BICRA: variants seen among roughly 807,000 people sequenced by gnomAD.
The protein encoded by BICRA is BRD4-interacting chromatin-remodeling complex-associated protein.
In BICRA, 31 loss-of-function variants were observed where a neutral mutation model predicts 96.9. The observed-to-expected ratio is 0.32, with a 90% CI of 0.24 to 0.43. The LOEUF (loss-of-function observed/expected upper bound fraction) is 0.43. BICRA is among the 20% of genes least tolerant of loss of function. The pLI is 1.00. For synonymous variants in BICRA, 1,350 were observed against 1,071.8 expected (o/e 1.26, Z -5.07); for missense variants, 2,283 against 2,190.3 (o/e 1.04, Z -0.84).
chr19:47,699,373 C>A lies in BICRA; in HGVS notation c.3563C>A (p.Ala1188Asp). The A allele has an allele frequency of 6.4e-7, 1 of 1,566,958 alleles. No individual in the cohort carries two copies. The highest frequency in any genetic ancestry group is 8.7e-7 in the Non-Finnish European group (1 of 1,155,824). The part of the protein sequence containing the change: ...MFIQEEKTTL[A>D]LDKQLAKEKP... ...ATTCAGGAGGAGAAGACCACCCTTG[C>A]CTTGGATAAACAGCTGGCCAAGGAG... The change falls in exon 14 of 15, where the codon GCC (alanine) becomes GAC (aspartate). Residue 1188 changes from alanine (A) to aspartate (D), a missense_variant. Physicochemically the swap from Ala to Asp is moderately radical, Grantham distance 126. Coordinates refer to ENST00000594866, the MANE Select transcript of BICRA (RefSeq NM_001394372.1). The surrounding 1 kb of genome is among the most constrained non-coding windows in gnomAD (Gnocchi z 5.0).
At chr19:47,672,065 AG>A (rs1391227795) in intron 2 of BICRA, among the ~76,000 whole-genome samples, 1 of 136,736 alleles carries the variant, frequency 7.3e-6, no homozygotes, top group Non-Finnish European at 1.6e-5. Context: ...GGAAGGATGG[AG>A]GGATGGGTGG....
rs955664245 is a variant in BICRA, at chr19:47,683,653, C to A, written c.2283+1501C>A. Among the ~76,000 whole-genome samples, 4 of 150,884 alleles carry A rather than the reference C, an allele frequency of 2.7e-5. No individual in the cohort carries two copies. The East Asian group carries it at 5.9e-4, about 22-fold the overall frequency. On this transcript the variant is annotated intron_variant, in intron 7 of 14. Coordinates refer to ENST00000594866, the MANE Select transcript of BICRA (RefSeq NM_001394372.1). The stretch of plus-strand genomic sequence containing the variant: ...AGGCTGGAGTGCGGTGTCGCGATCT[C>A]TGCTCACTGCAAGCTCCGCCTCTCG...
In BICRA at chr19:47,695,454, G is replaced by A; in HGVS notation, c.3166G>A (p.Gly1056Arg). The change falls in exon 10 of 15, where the codon GGG becomes AGG. Residue 1056 changes from glycine to arginine, a missense_variant. Coordinates refer to ENST00000594866, the MANE Select transcript of BICRA (RefSeq NM_001394372.1). ...GGCCAAGGCCGCTTCCTCCGGGCCAGGGAAGCCCTCCGGGCTGCAGGTAAG... is the reference window on the plus strand; with the variant it reads ...GGCCAAGGCCGCTTCCTCCGGGCCAAGGAAGCCCTCCGGGCTGCAGGTAAG... ...NVAKAASSGP[G>R]KPSGLQYESK... 6.3e-7 allele frequency: 1 copy of A among 1,576,066 alleles called. No homozygotes were observed. The highest frequency in any genetic ancestry group is 8.7e-7 in the Non-Finnish European group (1 of 1,154,982).
chr19:47,661,067 T>C (rs1030558521), intron 1 of BICRA, among the ~76,000 whole-genome samples: 2 of 151,600 alleles, frequency 1.3e-5, no homozygotes, highest in Non-Finnish European at 2.9e-5. Context: ...AACAAAAAAT[T>C]AGCTGGGCGT....
At chr19:47,637,760 G>C (rs1423952489) in intron 1 of BICRA, among the ~76,000 whole-genome samples, 3 of 152,108 alleles carry the variant, frequency 2.0e-5, no homozygotes, top group Admixed American at 6.6e-5. Context: ...GGATTTGCCT[G>C]TTGTGGGTAA....
rs376362178 is a variant in BICRA at position 47,680,802 on chromosome 19, C to T, written c.1632C>T (p.Ala544=). ...SGAHSAHILS[A]APIQVGQPAL... Reference sequence around the variant, plus strand: ...CCCACAGCGCGCACATCCTCTCCGCCGCTCCCATCCAGGTGGGCCAGCCTG... The same window carrying T: ...CCCACAGCGCGCACATCCTCTCCGCTGCTCCCATCCAGGTGGGCCAGCCTG... Residue 544 remains alanine, a synonymous_variant, in exon 6 of 15, where the codon GCC becomes GCT. Coordinates refer to ENST00000594866, the MANE Select transcript of BICRA (RefSeq NM_001394372.1). 1.7e-3 allele frequency: 2,756 copies of T among 1,608,466 alleles called. 7 individuals are homozygous for T. Among genetic ancestry groups the T allele is most frequent in the Non-Finnish European group, 2.2e-3 (2,638 of 1,178,808 alleles).
At chr19:47,632,541 A>C (rs1464454750) in intron 1 of BICRA, among the ~76,000 whole-genome samples, 1 of 152,234 alleles carries the variant, frequency 6.6e-6, no homozygotes, top group Non-Finnish European at 1.5e-5. Context: ...CGATGGTCCC[A>C]CCGCAGGGAG....
Position 47,702,724 on chromosome 19 carries a change from C to T in BICRA, c.*309C>T, listed in dbSNP as rs763490993. 6.5e-4 allele frequency: 266 copies of T among 406,652 alleles called. No individual in the cohort carries two copies. Among genetic ancestry groups the T allele is most frequent in the Non-Finnish European group, 1.0e-3 (236 of 229,230 alleles). The allele number at this position is 406,652 out of a possible 1,614,324, so 25.2% of individuals were successfully genotyped here. A position where few individuals can be genotyped will look rare whatever the true frequency, so the allele number is the denominator to read the frequency against. On this transcript the variant is annotated 3_prime_UTR_variant, in exon 15 of 15. Coordinates refer to ENST00000594866, the MANE Select transcript of BICRA (RefSeq NM_001394372.1). ...TCTGCCCCTCTGTCCGGGGGACACG[C>T]GCATGTGTTTGCCAGGGATGGGGCC... is the stretch of plus-strand genomic sequence containing the variant.
At chr19:47,622,166 A>G (rs547355894) in intron 1 of BICRA, among the ~76,000 whole-genome samples, 6 of 151,392 alleles carry the variant, frequency 4.0e-5, no homozygotes, top group Non-Finnish European at 5.9e-5. Flanking sequence ...AGGTTTCACT[A>G]TGTTGGCCAG....
intron 10 of BICRA, among the ~76,000 whole-genome samples, chr19:47,695,998 A>G (rs1413603893): frequency 1.3e-5 from 2 of 151,994 alleles, no homozygotes; most frequent in African/African-American, 4.8e-5. Flanking sequence ...AGAAGCTCAG[A>G]GATGGAGATG....
At position 47,694,945 on chromosome 19, in the gene BICRA, G is replaced by A; in HGVS notation, c.2941G>A (p.Ala981Thr). 1 of 1,537,544 alleles carries A rather than the reference G, an allele frequency of 6.5e-7. No individual in the cohort carries two copies. Among genetic ancestry groups the A allele is most frequent in the Non-Finnish European group, 8.7e-7 (1 of 1,149,834 alleles). The change falls in exon 9 of 15, where the codon GCC becomes ACC. Residue 981 changes from alanine (A) to threonine (T), a missense_variant. Coordinates refer to ENST00000594866, the MANE Select transcript of BICRA (RefSeq NM_001394372.1). ...ILQNKAGGAP[A>T]APQTSTSLGP... ...CCAGAACAAGGCTGGGGGGGCCCCT[G>A]CCGCCCCGCAGACCTCCACCAGCCT...
Position 47,699,113 on chromosome 19 carries a change from C to A in BICRA, c.3492+54C>A. On this transcript the variant is annotated intron_variant, in intron 13 of 14. Coordinates refer to ENST00000594866, the MANE Select transcript of BICRA (RefSeq NM_001394372.1). The surrounding 1 kb of genome is among the most constrained non-coding windows in gnomAD (Gnocchi z 5.0). ...TGGGCTCCTCCTCGCTGGGACACTG[C>A]CCCTTTCCCTCACCCGCTCTGGGCA... 3.2e-6 allele frequency: 4 copies of A among 1,246,166 alleles called. No individual in the cohort carries two copies. The highest frequency in any genetic ancestry group is 1.1e-6 in the Non-Finnish European group (1 of 872,810). The allele number at this position is 1,246,166 out of a possible 1,614,324, so 77.2% of individuals were successfully genotyped here. A position where few individuals can be genotyped will look rare whatever the true frequency, so the allele number is the denominator to read the frequency against.
chr19:47,675,895 T>C lies in BICRA; in HGVS notation c.129T>C (p.Ser43=). 1 of 1,608,318 alleles carries C rather than the reference T, an allele frequency of 6.2e-7. No individual in the cohort carries two copies. The highest frequency in any genetic ancestry group is 8.5e-7 in the Non-Finnish European group (1 of 1,177,196). Residue 43 remains serine (S), a synonymous_variant, in exon 5 of 15, where the codon AGT becomes AGC. Coordinates refer to ENST00000594866, the MANE Select transcript of BICRA (RefSeq NM_001394372.1). The surrounding 1 kb of genome is among the most constrained non-coding windows in gnomAD (Gnocchi z 4.7). ...DLLDNPGEAQ[S]AFYEGPGLHV... ...TGGATAATCCCGGGGAGGCCCAAAG[T>C]GCCTTCTATGAAGGTCCTGGGGTAA...
intron 1 of BICRA, among the ~76,000 whole-genome samples, chr19:47,629,685 T>A (rs1313628960): frequency 6.6e-6 from 1 of 151,818 alleles, no homozygotes; most frequent in African/African-American, 2.4e-5. Flanking sequence ...TGAGACGGAG[T>A]CTCGCTCTGT....
In BICRA at chr19:47,701,557, C is replaced by T. The variant is rs760002313; in HGVS notation, c.3825C>T (p.Ser1275=). The stretch of plus-strand genomic sequence containing the variant: ...CCCTGTCCTCCTCTTCCTCCTCCTC[C>T]TCTGCCGCCTCCTCCTTGGACGCCG... ...SSSLSSSSSS[S]SAASSLDADE... is the part of the protein sequence containing the mutation. Residue 1275 remains serine (S), a synonymous_variant, in exon 15 of 15, where the codon TCC becomes TCT. Coordinates refer to ENST00000594866, the MANE Select transcript of BICRA (RefSeq NM_001394372.1). The surrounding 1 kb of genome is among the most constrained non-coding windows in gnomAD (Gnocchi z 5.4). 2 of 1,551,204 alleles carry T rather than the reference C, an allele frequency of 1.3e-6. No homozygotes were observed. The highest frequency in any genetic ancestry group is 1.4e-5 in the African/African-American group (1 of 73,210).
chr19:47,692,026 G>A (rs1378524020), intron 7 of BICRA, among the ~76,000 whole-genome samples: 2 of 152,132 alleles, frequency 1.3e-5, no homozygotes, highest in African/African-American at 2.4e-5. Context: ...ATCCTGTAAT[G>A]TTGTATTATT....
chr19:47,630,424 G>A (rs1972205799), intron 1 of BICRA, among the ~76,000 whole-genome samples: 1 of 150,510 alleles, frequency 6.6e-6, no homozygotes. Flanking sequence ...TGCCCGCTTC[G>A]GCCTCCCAAA....
At chr19:47,610,371 G>T (rs1971884309) in intron 1 of BICRA, among the ~76,000 whole-genome samples, 1 of 152,220 alleles carries the variant, frequency 6.6e-6, no homozygotes, top group Non-Finnish European at 1.5e-5. Flanking sequence ...GGGAGAGCTA[G>T]GCTCGGGCTC....
chr19:47,652,358 T>TA (rs1366223697), intron 1 of BICRA, among the ~76,000 whole-genome samples: 2 of 152,152 alleles, frequency 1.3e-5, no homozygotes, highest in African/African-American at 2.4e-5. Flanking sequence ...GCTATTTTTT[T>TA]AAAAAATTTT....
Sources: gnomAD v4.1 joint callset for allele counts (sites outside exome capture counted in the v4.1 genomes callset) on GRCh38, gnomAD v4.1.1 for gene constraint, Gnocchi (gnomAD v3.1) non-coding constraint, MANE v1.5 for transcripts, NCBI Gene and HGNC (gene_info 2026-07-23, HGNC 2026-07-21) for gene names.